The following PRDM4 variants were observed in gnomAD, a reference collection of about 807,000 sequenced individuals.
The protein encoded by PRDM4 is PR domain zinc finger protein 4.
Under a neutral mutation model 62.3 loss-of-function variants are expected in PRDM4, and 38 were observed. That is an observed-to-expected ratio of 0.61 (90% CI 0.47 to 0.80). The LOEUF (loss-of-function observed/expected upper bound fraction) is 0.80. Ranked by LOEUF, PRDM4 falls within the 30% of genes least tolerant of loss-of-function variation. The pLI is 0.00. For synonymous variants in PRDM4, 339 were observed against 348.2 expected (o/e 0.97, Z 0.30); for missense variants, 858 against 997.1 (o/e 0.86, Z 1.88).
Position 107,739,386 on chromosome 12 carries a change from G to C in PRDM4, c.2090C>G (p.Thr697Ser). ...TCTTGGCTGCAGGGTAACTTACTGA[G>C]TGTGGATGAGCACGTGCTGCTTGAG... ...QDLKQHVLIH[T>S]QERQIKCPKC... The change falls in exon 11 of 12, where the codon ACT (threonine) becomes AGT (serine). Residue 697 changes from threonine (T) to serine (S), a missense_variant. Thr to Ser is a moderately conservative substitution (Grantham distance 58). Coordinates refer to ENST00000228437, the MANE Select transcript of PRDM4 (RefSeq NM_012406.4). 1 of 1,612,998 alleles carries C rather than the reference G, an allele frequency of 6.2e-7. No homozygotes were observed. The highest frequency in any genetic ancestry group is 8.5e-7 in the Non-Finnish European group (1 of 1,179,574).
chr12:107,755,978 C>T (rs1348798908), intron 3 of PRDM4, among the ~76,000 whole-genome samples: 3 of 152,110 alleles, frequency 2.0e-5, no homozygotes, highest in South Asian at 2.1e-4. Flanking sequence ...CTCAGCTACT[C>T]GGGATGCTGA....
In PRDM4 at chr12:107,732,876, TAA is replaced by T. The variant is rs929517447; in HGVS notation, c.*1332_*1333del. The T allele has an allele frequency of 1.6e-4, 25 of 152,642 alleles. No homozygotes were observed. Among genetic ancestry groups the T allele is most frequent in the African/African-American group, 5.3e-4 (22 of 41,462 alleles). 9.5% of individuals were successfully genotyped at this position (152,642 alleles called of 1,614,324 possible). On this transcript the variant is annotated 3_prime_UTR_variant, in exon 12 of 12. Transcript: ENST00000228437. ...AGACTACCAGAGGAATCCTGTATTT[TAA>T]AAAAGTTTAATTTTAATCCTTCCTA...
At chr12:107,735,289 G>C (rs115368981) in intron 11 of PRDM4, among the ~76,000 whole-genome samples, 1 of 152,096 alleles carries the variant, frequency 6.6e-6, no homozygotes, top group Non-Finnish European at 1.5e-5. Context: ...AATGACAAAC[G>C]GTTTTCCAAT....
intron 3 of PRDM4, among the ~76,000 whole-genome samples, chr12:107,754,664 T>G (rs1891007526): frequency 6.6e-6 from 1 of 152,136 alleles, no homozygotes; most frequent in Non-Finnish European, 1.5e-5. Context: ...ATTGCCACCA[T>G]GCCCAGCCAA....
intron 9 of PRDM4, 107 bp downstream of exon 9, chr12:107,742,114 A>T: frequency 8.2e-7 from 1 of 1,214,440 alleles, no homozygotes; most frequent in Non-Finnish European, 1.1e-6. Flanking sequence ...ATACAAACAA[A>T]GGTATATGAT....
At position 107,750,660 on chromosome 12, in the gene PRDM4, G is replaced by A. The variant is rs140404043; in HGVS notation, c.1126+755C>T. On this transcript the variant is annotated intron_variant, in intron 5 of 11. Transcript: ENST00000228437. ...TGCCCAATAAGAAAAACTTTTACAC[G>A]CCCAAGAATAATAATTTATATGCAC... 4.7e-4 allele frequency among the ~76,000 whole-genome samples: 72 copies of A among 151,990 alleles called. 3 individuals carry two copies. Among genetic ancestry groups the A allele is most frequent in the African/African-American group, 3.9e-4 (16 of 41,424 alleles).
In PRDM4 at chr12:107,742,348, C is replaced by T. The variant is rs370064675; in HGVS notation, c.1482G>A (p.Arg494=). ...CNWMMFVRKA[R]NREEQNLVAY... ...CCACCAAATTCTGCTCTTCCCGGTT[C>T]CTGAGTTATCACATTTAATAGATCA... Residue 494 remains arginine (R), a splice_region_variant and synonymous_variant, in exon 9 of 12, where the codon AGG becomes AGA. Coordinates refer to ENST00000228437, the MANE Select transcript of PRDM4 (RefSeq NM_012406.4). 11 of 1,613,408 alleles carry T rather than the reference C, an allele frequency of 6.8e-6. No homozygotes were observed. The highest frequency in any genetic ancestry group is 8.5e-6 in the Non-Finnish European group (10 of 1,179,688).
At chr12:107,740,157 A>G (rs992323611) in intron 10 of PRDM4, among the ~76,000 whole-genome samples, 3 of 152,168 alleles carry the variant, frequency 2.0e-5, no homozygotes, top group African/African-American at 4.8e-5. Flanking sequence ...CCCAACAAGA[A>G]AGCTAAAGCC....
intron 10 of PRDM4, 54 bp downstream of exon 10, chr12:107,740,892 C>T (rs1455642417): frequency 1.0e-5 from 16 of 1,538,158 alleles, no homozygotes; most frequent in African/African-American, 2.7e-5. Flanking sequence ...GCCTTTACTA[C>T]CGCATTTTCT....
At position 107,760,611 on chromosome 12, in the gene PRDM4, T is replaced by C; in HGVS notation, c.-96A>G. 1 of 1,495,166 alleles carries C rather than the reference T, an allele frequency of 6.7e-7. No individual in the cohort carries two copies. The highest frequency in any genetic ancestry group is 9.1e-7 in the Non-Finnish European group (1 of 1,094,618). 92.6% of individuals were successfully genotyped at this position (1,495,166 alleles called of 1,614,324 possible). A position where few individuals can be genotyped will look rare whatever the true frequency, so the allele number is the denominator to read the frequency against. ...AGGGTCACGTGCTACCACATCTTGC[T>C]CACAACCGCTGCACCGACGCGGCCA... On this transcript the variant is annotated 5_prime_UTR_variant, in exon 2 of 12. An upstream open reading frame in the 5' UTR loses its in-frame stop. Coordinates refer to ENST00000228437, the MANE Select transcript of PRDM4 (RefSeq NM_012406.4).
intron 9 of PRDM4, 143 bp from the exon 10 acceptor site, chr12:107,741,403 A>C (rs1462820090): frequency 2.6e-6 from 2 of 783,546 alleles, no homozygotes; most frequent in Non-Finnish European, 4.0e-6. Context: ...TAATGTACTA[A>C]GGGCATCTAA....
Position 107,761,062 on chromosome 12 carries a change from GGGGCC to G in PRDM4, c.-367_-363del, listed in dbSNP as rs1488403725. 6.6e-6 allele frequency: 1 copy of G among 151,468 alleles called. No homozygotes were observed. The highest frequency in any genetic ancestry group is 1.5e-5 in the Non-Finnish European group (1 of 67,952). The allele number at this position is 151,468 out of a possible 1,614,324, so 9.4% of individuals were successfully genotyped here. A position where few individuals can be genotyped will look rare whatever the true frequency, so the allele number is the denominator to read the frequency against. ...CCGTCCGCTCGGCCCCCTCACCCCG[GGGGCC>G]GCTGCCCTAACGTTTCCCGTCCCGC... On this transcript the variant is annotated 5_prime_UTR_variant, in exon 1 of 12. Coordinates refer to ENST00000228437, the MANE Select transcript of PRDM4 (RefSeq NM_012406.4).
intron 5 of PRDM4, among the ~76,000 whole-genome samples, chr12:107,750,490 G>A (rs114676713): frequency 0.052 from 7,937 of 152,164 alleles, 692 homozygotes; most frequent in African/African-American, 0.18. Flanking sequence ...GCTACAGTGA[G>A]CCGTGATCGC....
intron 3 of PRDM4, among the ~76,000 whole-genome samples, chr12:107,754,331 T>C (rs958756516): frequency 2.6e-5 from 4 of 152,224 alleles, no homozygotes; most frequent in African/African-American, 9.6e-5. Context: ...AACCGGCAAG[T>C]TGATACTCCA....
chr12:107,753,611 A>G (rs1890969570), intron 4 of PRDM4, among the ~76,000 whole-genome samples: 1 of 152,178 alleles, frequency 6.6e-6, no homozygotes, highest in Non-Finnish European at 1.5e-5. Flanking sequence ...ACACTATAAC[A>G]AGACACTATA....
intron 8 of PRDM4, among the ~76,000 whole-genome samples, chr12:107,742,793 TCA>T (rs952947426): frequency 3.4e-4 from 50 of 145,846 alleles, no homozygotes; most frequent in Non-Finnish European, 7.2e-4. Flanking sequence ...AGACAGAATC[TCA>T]CTTTGTCACC....
intron 2 of PRDM4, among the ~76,000 whole-genome samples, chr12:107,759,435 A>G (rs180877919): frequency 6.4e-4 from 98 of 152,322 alleles, no homozygotes; most frequent in African/African-American, 2.2e-3. Context: ...ATTGGTTACA[A>G]TATTTTTTTA....
At position 107,751,783 on chromosome 12, in the gene PRDM4, C is replaced by G. The variant is rs1355956442; in HGVS notation, c.758G>C (p.Gly253Ala). 3 of 1,614,082 alleles carry G rather than the reference C, an allele frequency of 1.9e-6. No homozygotes were observed. The highest frequency in any genetic ancestry group is 1.3e-5 in the African/African-American group (1 of 74,920). The change falls in exon 5 of 12, where the codon GGT (glycine) becomes GCT (alanine). Residue 253 changes from glycine (G) to alanine (A), a missense_variant. Gly to Ala is a moderately conservative substitution (Grantham distance 60). This residue lies in a region of PRDM4 where 499 missense variants were observed against 546.7 expected (regional missense o/e 0.91). Transcript: ENST00000228437. Reference protein sequence around the residue: ...NLAADAVGHGGVIPMHGNGLE... With the variant: ...NLAADAVGHGAVIPMHGNGLE... ...GCCATTCCCATGCATGGGTATCACA[C>G]CACCATGTCCTACAGCGTCTGCTGC...
chr12:107,756,118 G>A (rs897276919), intron 3 of PRDM4, among the ~76,000 whole-genome samples: 1 of 151,674 alleles, frequency 6.6e-6, no homozygotes, highest in African/African-American at 2.4e-5. Flanking sequence ...AAATGAGCCA[G>A]GTGTAGGGGT....
Sources: allele counts gnomAD v4.1 joint callset (sites outside exome capture counted in the v4.1 genomes callset), GRCh38; gene constraint gnomAD v4.1.1; regional missense constraint gnomAD v4.1.1; transcripts MANE v1.5; gene names NCBI Gene and HGNC (gene_info 2026-07-23, HGNC 2026-07-21).